Variants in IQSEC1 observed in about 807,000 individuals in gnomAD.
IQSEC1 encodes the protein IQ motif and SEC7 domain-containing protein 1.
Under a neutral mutation model 91.0 loss-of-function variants are expected in IQSEC1, and 31 were observed. The ratio of observed to expected loss-of-function variants is 0.34; its 90% confidence interval spans 0.26 to 0.46. IQSEC1 has a LOEUF of 0.46. Among genes scored for constraint, IQSEC1 ranks in the 20% least tolerant of loss-of-function variants. The pLI, the probability that IQSEC1 is intolerant of heterozygous loss-of-function variation, is 1.00. For synonymous variants in IQSEC1, 699 were observed against 662.6 expected (o/e 1.05, Z -0.84); for missense variants, 1,388 against 1,575.6 (o/e 0.88, Z 2.02).
intron 2 of IQSEC1, among the ~76,000 whole-genome samples, chr3:13,135,425 A>G (rs1576266064): frequency 6.6e-6 from 1 of 152,242 alleles, no homozygotes; most frequent in African/African-American, 2.4e-5. Context: ...TACACGGGCC[A>G]GGGAGGGGCG....
chr3:13,256,163 C>T (rs555968225), intron 1 of IQSEC1, among the ~76,000 whole-genome samples: 217 of 152,236 alleles, frequency 1.4e-3, no homozygotes, highest in Non-Finnish European at 2.5e-3. Context: ...ATCATAGGTA[C>T]AGAGTTTCTG....
chr3:12,918,275 G>A (rs985994600), intron 6 of IQSEC1, among the ~76,000 whole-genome samples: 2 of 152,216 alleles, frequency 1.3e-5, no homozygotes, highest in South Asian at 4.1e-4. Flanking sequence ...GGAATGGGGT[G>A]CACAGCCCCT....
chr3:13,276,077 A>ATTTTTTTTTTTTTT (rs1406168404), intron 1 of IQSEC1, among the ~76,000 whole-genome samples: 1 of 85,600 alleles, frequency 1.2e-5, no homozygotes, highest in African/African-American at 4.6e-5. Flanking sequence ...CCTCAAAAGC[A>ATTTTTTTTTTTTTT]TTCTTTTTTT....
At chr3:13,016,580 C>T (rs775358357) in intron 1 of IQSEC1, among the ~76,000 whole-genome samples, 1 of 152,204 alleles carries the variant, frequency 6.6e-6, no homozygotes, top group Non-Finnish European at 1.5e-5. Flanking sequence ...CTCCTGCCAG[C>T]CTCCTCCTCT....
In IQSEC1 at chr3:12,913,404, A is replaced by G. The variant is rs369479406; in HGVS notation, c.2316+24T>C. ...GCTCAGGCTTGAGGTCCCTGCTACAATGCCTTGTGGGTGAGCCACATACCA... is the reference window on the plus strand; with the variant it reads ...GCTCAGGCTTGAGGTCCCTGCTACAGTGCCTTGTGGGTGAGCCACATACCA... On this transcript the variant is annotated intron_variant, in intron 9 of 13. Transcript: ENST00000613206. 34 of 1,571,830 alleles carry G rather than the reference A, an allele frequency of 2.2e-5. No individual in the cohort carries two copies. The African/African-American group carries it at 3.6e-4, about 17-fold the overall frequency.
At chr3:13,085,605 C>T (rs1009093860) in intron 2 of IQSEC1, among the ~76,000 whole-genome samples, 11 of 152,198 alleles carry the variant, frequency 7.2e-5, no homozygotes, top group African/African-American at 2.4e-4. Flanking sequence ...TGAGCACCCA[C>T]GGTTGACAAC....
intron 2 of IQSEC1, among the ~76,000 whole-genome samples, chr3:13,129,335 C>T (rs1471630815): frequency 2.0e-5 from 3 of 152,196 alleles, no homozygotes; most frequent in Non-Finnish European, 4.4e-5. Context: ...TCACTGTTCT[C>T]ATTCCTGGTA....
intron 1 of IQSEC1, among the ~76,000 whole-genome samples, chr3:13,258,621 G>A (rs190506205): frequency 1.6e-4 from 25 of 152,164 alleles, no homozygotes; most frequent in Admixed American, 1.6e-3. Flanking sequence ...AGGAAATCGA[G>A]GCTGCAGTGA....
intron 1 of IQSEC1, among the ~76,000 whole-genome samples, chr3:13,209,753 G>A (rs1332911542): frequency 6.6e-6 from 1 of 152,224 alleles, no homozygotes; most frequent in Non-Finnish European, 1.5e-5. Flanking sequence ...GCCTGAGCGT[G>A]AATAATCCAC....
At chr3:13,190,844 A>C (rs1694010775) in intron 1 of IQSEC1, among the ~76,000 whole-genome samples, 2 of 152,226 alleles carry the variant, frequency 1.3e-5, no homozygotes, top group African/African-American at 4.8e-5. Flanking sequence ...GTCCCAGAGC[A>C]GTCCCCAAAT....
At chr3:13,268,149 G>T (rs1023527758) in intron 1 of IQSEC1, among the ~76,000 whole-genome samples, 4 of 152,210 alleles carry the variant, frequency 2.6e-5, no homozygotes, top group African/African-American at 9.7e-5. Context: ...GCACACCCCT[G>T]AGCAGAGCCC....
At chr3:12,953,225 C>T (rs1168085846) in intron 1 of IQSEC1, among the ~76,000 whole-genome samples, 1 of 152,218 alleles carries the variant, frequency 6.6e-6, no homozygotes, top group Non-Finnish European at 1.5e-5. Flanking sequence ...TCTTGGTCTC[C>T]GTGCGCCGTA....
At chr3:13,148,489 T>C (rs1406822845) in intron 2 of IQSEC1, among the ~76,000 whole-genome samples, 1 of 152,234 alleles carries the variant, frequency 6.6e-6, no homozygotes, top group Non-Finnish European at 1.5e-5. Context: ...AATTTCTGAA[T>C]TCATTCTAAC....
In IQSEC1 at chr3:13,254,910, T is replaced by G. The variant is rs570945948; in HGVS notation, c.272+27801A>C. On this transcript the variant is annotated intron_variant, in intron 1 of 15. Coordinates refer to the IQSEC1 transcript ENST00000648114. ...CGACCCGGGGCCTCCATGCGGTCTC[T>G]GTGCATCCACACAGCCTTCCTGCTT... 3.9e-5 allele frequency among the ~76,000 whole-genome samples: 6 copies of G among 152,314 alleles called. No individual in the cohort carries two copies. In the East Asian group the frequency reaches 1.2e-3, roughly 29 times the overall value.
At chr3:13,269,503 C>T (rs1314329046) in intron 1 of IQSEC1, among the ~76,000 whole-genome samples, 1 of 152,224 alleles carries the variant, frequency 6.6e-6, no homozygotes, top group Non-Finnish European at 1.5e-5. Flanking sequence ...CCATCCCCTA[C>T]CCAGGGAACA....
chr3:13,043,707 G>A (rs896678518), intron 1 of IQSEC1, among the ~76,000 whole-genome samples: 12 of 152,204 alleles, frequency 7.9e-5, no homozygotes, highest in African/African-American at 2.9e-4. Flanking sequence ...TTTAAGGGCC[G>A]GCCCACTGGA....
intron 1 of IQSEC1, among the ~76,000 whole-genome samples, chr3:12,969,230 A>G (rs1469858007): frequency 6.6e-6 from 1 of 152,204 alleles, no homozygotes; most frequent in Non-Finnish European, 1.5e-5. Flanking sequence ...CAATTCAAAA[A>G]TAATAAGGCA....
chr3:12,959,519 C>A (rs1051586306), intron 1 of IQSEC1, among the ~76,000 whole-genome samples: 2 of 152,194 alleles, frequency 1.3e-5, no homozygotes, highest in Admixed American at 6.5e-5. Flanking sequence ...CCAGTCACTT[C>A]CAGACACAGG....
rs1702156266 is a variant in IQSEC1, at chr3:12,994,720, C to T, written c.24-52855G>A. On this transcript the variant is annotated intron_variant, in intron 1 of 13. Transcript: ENST00000613206. The surrounding 1 kb of genome is among the most constrained non-coding windows in gnomAD (Gnocchi z 4.5). ...CGCACAGCTGCACCACGCTCCTCCG[C>T]GTCCCCTCCAGGACACACCCTCCTG... is the stretch of plus-strand genomic sequence containing the variant. Among the ~76,000 whole-genome samples, 1 of 152,188 alleles carries T rather than the reference C, an allele frequency of 6.6e-6. No individual in the cohort carries two copies. The highest frequency in any genetic ancestry group is 2.1e-4 in the South Asian group (1 of 4,836).
Sources: allele counts gnomAD v4.1 joint callset (sites outside exome capture counted in the v4.1 genomes callset), GRCh38; gene constraint gnomAD v4.1.1; non-coding constraint Gnocchi (gnomAD v3.1); transcripts MANE v1.5; gene names NCBI Gene and HGNC (gene_info 2026-07-23, HGNC 2026-07-21).